The following CROCC2 variants were observed in gnomAD, a reference collection of about 807,000 sequenced individuals.
CROCC2 encodes the protein ciliary rootlet coiled-coil protein 2.
CROCC2 carries 163 observed loss-of-function variants against 177.6 expected under a neutral mutation model. The ratio of observed to expected loss-of-function variants is 0.92; its 90% CI spans 0.81 to 1.05. The LOEUF is 1.05. Ranked by LOEUF, CROCC2 falls within the 50% of genes least tolerant of loss-of-function variation. CROCC2 has a pLI of 0.00. For missense variants in CROCC2, 1,929 were observed against 1,797.8 expected, an observed-to-expected ratio of 1.07 and a Z score of -1.32; for synonymous variants, 904 against 787.3, an observed-to-expected ratio of 1.15 and a Z score of -2.48.
chr2:240,934,490 C>T lies in CROCC2; in HGVS notation c.1791+15C>T. 1 of 1,545,182 alleles carries T rather than the reference C, an allele frequency of 6.5e-7. No individual in the cohort carries two copies. The highest frequency in any genetic ancestry group is 8.7e-7 in the Non-Finnish European group (1 of 1,145,264). On this transcript the variant is annotated intron_variant, in intron 12 of 31. Transcript: ENST00000690015. ...CCCTGGCGCGGGTACACTCTGCTCC[C>T]CACAACCCCGCCCCCTCTCCTGTCT...
intron 25 of CROCC2, 162 bp from the exon 26 acceptor site, chr2:240,967,183 G>A (rs1307925744): frequency 2.5e-5 from 10 of 395,464 alleles, no homozygotes; most frequent in South Asian, 2.8e-4. Context: ...CACCTTCCCC[G>A]CACCTTCCCC....
In CROCC2 at chr2:240,960,433, C is replaced by A. The variant is rs1233971586; in HGVS notation, c.3087+989C>A. On this transcript the variant is annotated intron_variant, in intron 20 of 31. Transcript: ENST00000690015. This position sits in a 1 kb window ranked among gnomAD's most constrained non-coding sequence, Gnocchi z 5.0. ...AGTCTTGGGCAGGGGGCAAGAGTGG[C>A]CAGGGCTAGGCTCACCTGGGCTCAG... Among the ~76,000 whole-genome samples the A allele has an allele frequency of 6.6e-6, 1 of 151,832 alleles. No individual in the cohort carries two copies. The highest frequency in any genetic ancestry group is 1.5e-5 in the Non-Finnish European group (1 of 67,942).
At chr2:240,975,639 G>A (rs1202690077) in intron 27 of CROCC2, among the ~76,000 whole-genome samples, 2 of 150,706 alleles carry the variant, frequency 1.3e-5, no homozygotes. Flanking sequence ...CCCAGCCTTC[G>A]CTCCCAGCCT....
chr2:240,939,451 A>G (rs1307415092), intron 14 of CROCC2, among the ~76,000 whole-genome samples: 1 of 150,322 alleles, frequency 6.7e-6, no homozygotes, highest in Non-Finnish European at 1.5e-5. Context: ...TATTTCTGTA[A>G]TTTTCTTTCC....
At chr2:240,952,326 A>AT in intron 18 of CROCC2, among the ~76,000 whole-genome samples, 1 of 151,984 alleles carries the variant, frequency 6.6e-6, no homozygotes, top group East Asian at 1.9e-4. Context: ...AAAAAAAAAA[A>AT]AAAAAAAATG....
Position 240,968,172 on chromosome 2 carries a change from A to G in CROCC2, c.4311A>G (p.Ala1437=). The G allele has an allele frequency of 6.5e-7, 1 of 1,530,364 alleles. No individual in the cohort carries two copies. Among genetic ancestry groups the G allele is most frequent in the Non-Finnish European group, 8.7e-7 (1 of 1,143,294 alleles). 94.8% of individuals were successfully genotyped at this position (1,530,364 alleles called of 1,614,324 possible). Residue 1437 remains alanine (A), a synonymous_variant, in exon 27 of 32, where the codon GCA becomes GCG. Coordinates refer to ENST00000690015, the MANE Select transcript of CROCC2 (RefSeq NM_001351305.2). ...VEGALSSARA[A]RALQKEALRR... ...GCGCGCTGAGCAGCGCCCGGGCAGC[A>G]CGTGCCCTGCAGAAGGAGGCGCTCC...
At chr2:240,933,057 G>A (rs1011129234) in intron 9 of CROCC2, 74 bp from the exon 10 acceptor site, 81 of 1,532,328 alleles carry the variant, frequency 5.3e-5, no homozygotes, top group Middle Eastern at 1.8e-4. Context: ...CTGGGGAGTC[G>A]CAAGCCCTGG....
intron 1 of CROCC2, among the ~76,000 whole-genome samples, chr2:240,915,965 T>C (rs1011033836): frequency 1.3e-5 from 2 of 152,122 alleles, no homozygotes; most frequent in African/African-American, 4.8e-5. Context: ...CAGCGGACGC[T>C]GGGCCACAGC....
intron 28 of CROCC2, chr2:240,983,460 A>C: frequency 8.0e-7 from 1 of 1,249,204 alleles, no homozygotes; most frequent in Non-Finnish European, 1.0e-6. Flanking sequence ...AGCGGCGGGC[A>C]GGAGGCGGCC....
chr2:240,954,551 C>T (rs569291687), intron 18 of CROCC2: 33 of 152,394 alleles, frequency 2.2e-4, no homozygotes, highest in African/African-American at 7.7e-4. Flanking sequence ...GCTGCACCCT[C>T]CCCGTGAGCC....
chr2:240,967,726 C>T (rs1182228901), intron 26 of CROCC2, among the ~76,000 whole-genome samples: 1 of 152,184 alleles, frequency 6.6e-6, no homozygotes, highest in Non-Finnish European at 1.5e-5. Flanking sequence ...CCCCAGCATC[C>T]TCTGCCCCCC....
intron 7 of CROCC2, 62 bp downstream of exon 7, chr2:240,931,190 C>G: frequency 1.5e-6 from 1 of 652,404 alleles, no homozygotes; most frequent in Non-Finnish European, 2.8e-6. Context: ...GCCCATCCAG[C>G]GTGCCGAGCA....
At chr2:240,992,347 G>A (rs1188499449) in intron 31 of CROCC2, among the ~76,000 whole-genome samples, 1 of 152,180 alleles carries the variant, frequency 6.6e-6, no homozygotes, top group African/African-American at 2.4e-5. Context: ...GAGGCTCCCG[G>A]CCCCCACCCC....
chr2:240,948,990 A>G lies in CROCC2; in HGVS notation c.2375A>G (p.Asp792Gly). The G allele has an allele frequency of 6.5e-7, 1 of 1,550,236 alleles. No individual in the cohort carries two copies. The highest frequency in any genetic ancestry group is 8.7e-7 in the Non-Finnish European group (1 of 1,146,924). The part of the protein sequence containing the change: ...EEAADLRVER[D>G]SLESSLLEAQ... ...CTGCATCTTTGCAGGGTGGAGAGGG[A>G]CTCCCTGGAGAGCAGCCTCCTTGAG... The change falls in exon 16 of 32, where the codon GAC becomes GGC. Residue 792 changes from aspartate to glycine, a missense_variant. By Grantham distance (94) the Asp-to-Gly change is moderately conservative. This residue lies in a region of CROCC2 where 1,397 missense variants were observed against 1,239.9 expected (regional missense o/e 1.13). Coordinates refer to ENST00000690015, the MANE Select transcript of CROCC2 (RefSeq NM_001351305.2).
intron 21 of CROCC2, 183 bp from the exon 22 acceptor site, chr2:240,964,283 C>A: frequency 1.5e-6 from 1 of 689,550 alleles, no homozygotes; most frequent in South Asian, 1.9e-5. Context: ...GCGGCCGGCA[C>A]CGGGACCTGG....
At chr2:240,984,267 C>T (rs2059820721) in intron 28 of CROCC2, among the ~76,000 whole-genome samples, 1 of 152,116 alleles carries the variant, frequency 6.6e-6, no homozygotes, top group South Asian at 2.1e-4. Flanking sequence ...GAGCTCGGAC[C>T]CTGGACGCAG....
At chr2:240,922,202 C>T (rs1459081937) in intron 3 of CROCC2, among the ~76,000 whole-genome samples, 1 of 152,216 alleles carries the variant, frequency 6.6e-6, no homozygotes, top group African/African-American at 2.4e-5. Context: ...GAAATGTGGG[C>T]ATGCTCCAGC....
intron 15 of CROCC2, among the ~76,000 whole-genome samples, chr2:240,946,744 C>A (rs550042155): frequency 6.6e-6 from 1 of 152,246 alleles, no homozygotes; most frequent in Admixed American, 6.5e-5. Context: ...GCAGAGCACC[C>A]TTCTCCCTGC....
intron 14 of CROCC2, among the ~76,000 whole-genome samples, chr2:240,944,547 A>G (rs141600389): frequency 1.5e-3 from 231 of 152,170 alleles, no homozygotes; most frequent in South Asian, 2.7e-3. Flanking sequence ...TCTCTCTTCC[A>G]GGTTATTAGT....
Sources: gnomAD v4.1 joint callset for allele counts (sites outside exome capture counted in the v4.1 genomes callset) on GRCh38, gnomAD v4.1.1 for gene constraint, gnomAD v4.1.1 regional missense constraint, Gnocchi (gnomAD v3.1) non-coding constraint, MANE v1.5 for transcripts, NCBI Gene and HGNC (gene_info 2026-07-23, HGNC 2026-07-21) for gene names.